PXN: variants seen among roughly 807,000 people sequenced by gnomAD.
PXN encodes the protein paxillin.
PXN carries 61 observed loss-of-function variants against 103.6 expected under a neutral mutation model. The ratio of observed to expected loss-of-function variants is 0.59; its 90% CI spans 0.48 to 0.73. PXN has a LOEUF of 0.73. Ranked by LOEUF, PXN falls within the 30% of genes least tolerant of loss-of-function variation. The probability of loss-of-function intolerance (pLI) is 0.00; values close to 1 mark genes in which losing one functional copy is unlikely to be tolerated. For missense variants in PXN, 1,274 were observed against 1,460.3 expected, an observed-to-expected ratio of 0.87 and a Z score of 2.08; for synonymous variants, 562 against 607.8, an observed-to-expected ratio of 0.92 and a Z score of 1.11.
chr12:120,215,008 A>C lies in PXN; in HGVS notation c.2575-10T>G, dbSNP rs186612390. The C allele has an allele frequency of 1.5e-3, 2,400 of 1,612,298 alleles. 24 individuals are homozygous for C. In the African/African-American group the frequency reaches 0.028, roughly 19 times the overall value. On this transcript the variant is annotated splice_polypyrimidine_tract_variant and intron_variant, in intron 11 of 14. Coordinates refer to ENST00000637617, the MANE Select transcript of PXN (RefSeq NM_001385981.1). This position sits in a 1 kb window ranked among gnomAD's most constrained non-coding sequence, Gnocchi z 4.9. ...CCATGGCGGTCACAACCTGAGGAGG[A>C]GATGGAATGCGGTCCAGGGCCAAGG...
chr12:120,236,562 C>T (rs962793782), intron 1 of PXN, among the ~76,000 whole-genome samples: 1 of 150,912 alleles, frequency 6.6e-6, no homozygotes, highest in African/African-American at 2.4e-5. Context: ...ACTGCAACCT[C>T]TGCCTCCCGG....
rs754813424 is a variant in PXN, at chr12:120,216,741, C to T, written c.1992+100G>A. The T allele has an allele frequency of 4.7e-5, 75 of 1,594,788 alleles. No individual in the cohort carries two copies. Among genetic ancestry groups the T allele is most frequent in the Non-Finnish European group, 5.5e-5 (65 of 1,178,702 alleles). On this transcript the variant is annotated intron_variant, in intron 8 of 14. Transcript: ENST00000637617. The surrounding 1 kb of genome is among the most constrained non-coding windows in gnomAD (Gnocchi z 5.1). ...AGGAGGCAAGAAACCCCCACCCTCT[C>T]CCCAGATCTCCCCTCCGGCCAGCAC...
chr12:120,222,755 C>T lies in PXN; in HGVS notation c.494-5G>A. 6.2e-7 allele frequency: 1 copy of T among 1,602,816 alleles called. No homozygotes were observed. The highest frequency in any genetic ancestry group is 8.5e-7 in the Non-Finnish European group (1 of 1,174,572). ...GGGGGCTTGAGTTGGCCTCATCTTG[C>T]AGAGAGGAGAGAAAAAGGCTGCTCA... On this transcript the variant is annotated splice_polypyrimidine_tract_variant and splice_region_variant and intron_variant, in intron 4 of 14. Transcript: ENST00000637617. The surrounding 1 kb of genome is among the most constrained non-coding windows in gnomAD (Gnocchi z 4.7).
rs1162799806 is a variant in PXN, at chr12:120,224,130, C to T, written c.240+21G>A. 12 of 1,515,220 alleles carry T rather than the reference C, an allele frequency of 7.9e-6. No individual in the cohort carries two copies. Among genetic ancestry groups the T allele is most frequent in the Non-Finnish European group, 1.1e-5 (12 of 1,122,306 alleles). The allele number at this position is 1,515,220 out of a possible 1,614,324, so 93.9% of individuals were successfully genotyped here. On this transcript the variant is annotated intron_variant, in intron 2 of 14. Coordinates refer to ENST00000637617, the MANE Select transcript of PXN (RefSeq NM_001385981.1). The surrounding 1 kb of genome is among the most constrained non-coding windows in gnomAD (Gnocchi z 5.0). Reference sequence around the variant, plus strand: ...TGTCCCCCAGCCTCCTTGGCCTTCCCAGCCACTGTCCCCGCCTCACCTGCT... The same window carrying T: ...TGTCCCCCAGCCTCCTTGGCCTTCCTAGCCACTGTCCCCGCCTCACCTGCT...
At chr12:120,257,341 C>T (rs1008216917) in intron 1 of PXN, among the ~76,000 whole-genome samples, 5 of 152,200 alleles carry the variant, frequency 3.3e-5, no homozygotes, top group African/African-American at 4.8e-5. Context: ...CCCAGCATCA[C>T]CCCCTCCCCC....
Position 120,265,562 on chromosome 12 carries a change from G to C in PXN, c.13+55C>G, listed in dbSNP as rs984088770. 6.8e-7 allele frequency: 1 copy of C among 1,475,984 alleles called. No homozygotes were observed. The highest frequency in any genetic ancestry group is 1.5e-5 in the African/African-American group (1 of 68,122). The allele number at this position is 1,475,984 out of a possible 1,614,324, so 91.4% of individuals were successfully genotyped here. A position where few individuals can be genotyped will look rare whatever the true frequency, so the allele number is the denominator to read the frequency against. The stretch of plus-strand genomic sequence containing the variant: ...CCCTGCCGCTCGCTGGCGCCCTCCT[G>C]GCCCCAAGCTGCGCGCCTCTCGCCT... On this transcript the variant is annotated intron_variant, in intron 1 of 14. Transcript: ENST00000637617. This position sits in a 1 kb window ranked among gnomAD's most constrained non-coding sequence, Gnocchi z 5.7.
chr12:120,250,144 C>T lies in PXN; in HGVS notation c.13+15473G>A, dbSNP rs954487402. ...AACTGCCTTAGCCGGCCAGCCGAGC[C>T]AGGAGTACACAGGGGAAATGGCAAA... On this transcript the variant is annotated intron_variant, in intron 1 of 14. Transcript: ENST00000637617. 10 of 985,558 alleles carry T rather than the reference C, an allele frequency of 1.0e-5. No homozygotes were observed. The Admixed American group carries it at 1.8e-4, about 18-fold the overall frequency. 61.1% of individuals were successfully genotyped at this position (985,558 alleles called of 1,614,324 possible). A position where few individuals can be genotyped will look rare whatever the true frequency, so the allele number is the denominator to read the frequency against.
At position 120,224,556 on chromosome 12, in the gene PXN, C is replaced by T. The variant is rs767786601; in HGVS notation, c.14-179G>A. ...AGCCCCGACCAGCCTAACCAAGAGC[C>T]GGCTCCCAAAGCTAACTTCTTCTGG... On this transcript the variant is annotated intron_variant, in intron 1 of 14. Transcript: ENST00000637617. This position sits in a 1 kb window ranked among gnomAD's most constrained non-coding sequence, Gnocchi z 5.0. 19 of 712,320 alleles carry T rather than the reference C, an allele frequency of 2.7e-5. No homozygotes were observed. Among genetic ancestry groups the T allele is most frequent in the East Asian group, 1.8e-4 (7 of 37,904 alleles). 44.1% of individuals were successfully genotyped at this position (712,320 alleles called of 1,614,324 possible).
intron 1 of PXN, among the ~76,000 whole-genome samples, chr12:120,238,247 G>A (rs1889475049): frequency 6.6e-6 from 1 of 152,204 alleles, no homozygotes; most frequent in Non-Finnish European, 1.5e-5. Context: ...GTGCAGGGGA[G>A]AGGGATAGGG....
At chr12:120,246,870 A>T (rs1282518612) in intron 1 of PXN, among the ~76,000 whole-genome samples, 1 of 151,602 alleles carries the variant, frequency 6.6e-6, no homozygotes. Context: ...AAAAAAAAAA[A>T]AGAAAAATGT....
rs1249421176 is a variant in PXN, at chr12:120,213,496, A to T, written c.2979+346T>A. 6.6e-6 allele frequency among the ~76,000 whole-genome samples: 1 copy of T among 152,240 alleles called. No homozygotes were observed. Among genetic ancestry groups the T allele is most frequent in the African/African-American group, 2.4e-5 (1 of 41,474 alleles). On this transcript the variant is annotated intron_variant, in intron 14 of 14. Transcript: ENST00000637617. The surrounding 1 kb of genome is among the most constrained non-coding windows in gnomAD (Gnocchi z 4.2). The stretch of plus-strand genomic sequence containing the variant: ...TTAATAACCCCTGTGGGGCCCCCAG[A>T]ATGCAGTGGTTTTGGAAACCACTGC...
At position 120,225,098 on chromosome 12, in the gene PXN, C is replaced by T. The variant is rs564138818; in HGVS notation, c.14-721G>A. 10 of 209,680 alleles carry T rather than the reference C, an allele frequency of 4.8e-5. No individual in the cohort carries two copies. The East Asian group carries it at 6.9e-4, about 14-fold the overall frequency. The allele number at this position is 209,680 out of a possible 1,614,324, so 13.0% of individuals were successfully genotyped here. A position where few individuals can be genotyped will look rare whatever the true frequency, so the allele number is the denominator to read the frequency against. ...GCCCCCACTGTTCTGCTTTTAACAG[C>T]GGCAAGGGAGCCAAATCAGCCCTCT... On this transcript the variant is annotated intron_variant, in intron 1 of 14. Coordinates refer to ENST00000637617, the MANE Select transcript of PXN (RefSeq NM_001385981.1). The surrounding 1 kb of genome is among the most constrained non-coding windows in gnomAD (Gnocchi z 4.4).
rs1216225612 is a variant in PXN at position 120,217,122 on chromosome 12, G to A, written c.1717-6C>T. 1 of 1,573,594 alleles carries A rather than the reference G, an allele frequency of 6.4e-7. No individual in the cohort carries two copies. On this transcript the variant is annotated splice_polypyrimidine_tract_variant and splice_region_variant and intron_variant, in intron 7 of 14. Transcript: ENST00000637617. The surrounding 1 kb of genome is among the most constrained non-coding windows in gnomAD (Gnocchi z 4.1). ...CTCCTGATCACAGATCGGATCTAGG[G>A]GGAGGGGGAGGGGAGGCTGTCACCG...
At position 120,213,699 on chromosome 12, in the gene PXN, A is replaced by C; in HGVS notation, c.2979+143T>G. On this transcript the variant is annotated intron_variant, in intron 14 of 14. Transcript: ENST00000637617. This position sits in a 1 kb window ranked among gnomAD's most constrained non-coding sequence, Gnocchi z 4.2. The stretch of plus-strand genomic sequence containing the variant: ...CCTGGCCCAGGACCTACTGGACTGG[A>C]GGAAGGAGATCCCCTGCCTGCTCCC... 8.3e-7 allele frequency: 1 copy of C among 1,203,636 alleles called. No individual in the cohort carries two copies. The highest frequency in any genetic ancestry group is 1.2e-6 in the Non-Finnish European group (1 of 869,254). The allele number at this position is 1,203,636 out of a possible 1,614,324, so 74.6% of individuals were successfully genotyped here.
rs1252171607 is a variant in PXN at position 120,213,015 on chromosome 12, A to G, written c.2980-435T>C. On this transcript the variant is annotated intron_variant, in intron 14 of 14. Coordinates refer to ENST00000637617, the MANE Select transcript of PXN (RefSeq NM_001385981.1). This position sits in a 1 kb window ranked among gnomAD's most constrained non-coding sequence, Gnocchi z 4.2. ...CAGTGTTCCCAGAAACACAGGTGTG[A>G]CACTGGTCTGTAGTCAAACTCTGCC... 6.2e-6 allele frequency: 1 copy of G among 160,606 alleles called. No homozygotes were observed. 9.9% of individuals were successfully genotyped at this position (160,606 alleles called of 1,614,324 possible).
chr12:120,262,858 C>T (rs1377097789), intron 1 of PXN, among the ~76,000 whole-genome samples: 6 of 152,124 alleles, frequency 3.9e-5, no homozygotes, highest in African/African-American at 1.4e-4. Context: ...AGCAGCCACC[C>T]CAAAGAACAA....
In PXN at chr12:120,220,143, T is replaced by A; in HGVS notation, c.832-52A>T. The A allele has an allele frequency of 1.0e-5, 7 of 691,456 alleles. No homozygotes were observed. Among genetic ancestry groups the A allele is most frequent in the Non-Finnish European group, 1.6e-5 (7 of 427,186 alleles). 42.8% of individuals were successfully genotyped at this position (691,456 alleles called of 1,614,324 possible). A position where few individuals can be genotyped will look rare whatever the true frequency, so the allele number is the denominator to read the frequency against. ...AGAGGAGAGAGAGAGATGAGGGGAG[T>A]GAGGACGGCTGCACCTTGCAGGCGG... On this transcript the variant is annotated intron_variant, in intron 6 of 14. Coordinates refer to ENST00000637617, the MANE Select transcript of PXN (RefSeq NM_001385981.1). The surrounding 1 kb of genome is among the most constrained non-coding windows in gnomAD (Gnocchi z 6.1).
At position 120,212,756 on chromosome 12, in the gene PXN, A is replaced by T; in HGVS notation, c.2980-176T>A. On this transcript the variant is annotated intron_variant, in intron 14 of 14. Transcript: ENST00000637617. This position sits in a 1 kb window ranked among gnomAD's most constrained non-coding sequence, Gnocchi z 7.2. ...TTTTCATTTTTATTTTATTAAATAA[A>T]TTTTTTTTGTAGAGATGGGGGTCTC... The T allele has an allele frequency of 1.4e-6, 1 of 698,078 alleles. No homozygotes were observed. The highest frequency in any genetic ancestry group is 2.2e-6 in the Non-Finnish European group (1 of 459,284). The allele number at this position is 698,078 out of a possible 1,614,324, so 43.2% of individuals were successfully genotyped here.
At position 120,212,725 on chromosome 12, in the gene PXN, G is replaced by A. The variant is rs1035022292; in HGVS notation, c.2980-145C>T. 1.0e-5 allele frequency: 9 copies of A among 861,958 alleles called. No individual in the cohort carries two copies. The highest frequency in any genetic ancestry group is 2.8e-5 in the East Asian group (1 of 35,220). 53.4% of individuals were successfully genotyped at this position (861,958 alleles called of 1,614,324 possible). ...TCCCATGTGCCGTGTTGTCCTAAAC[G>A]CTCATTTTTCATTTTTATTTTATTA... On this transcript the variant is annotated intron_variant, in intron 14 of 14. Coordinates refer to ENST00000637617, the MANE Select transcript of PXN (RefSeq NM_001385981.1). This position sits in a 1 kb window ranked among gnomAD's most constrained non-coding sequence, Gnocchi z 7.2.
Sources: gnomAD v4.1 joint callset for allele counts (sites outside exome capture counted in the v4.1 genomes callset) on GRCh38, gnomAD v4.1.1 for gene constraint, Gnocchi (gnomAD v3.1) non-coding constraint, MANE v1.5 for transcripts, NCBI Gene and HGNC (gene_info 2026-07-23, HGNC 2026-07-21) for gene names.